Variants in P4HA2 observed in about 807,000 individuals in gnomAD.
The protein encoded by P4HA2 is prolyl 4-hydroxylase subunit alpha-2.
In P4HA2, 46 loss-of-function variants were observed where a neutral mutation model predicts 76.9. The observed-to-expected ratio is 0.60, with a 90% CI of 0.47 to 0.76. The LOEUF (loss-of-function observed/expected upper bound fraction) is 0.76. Ranked by LOEUF, P4HA2 falls within the 30% of genes least tolerant of loss-of-function variation. The pLI, the probability that P4HA2 is intolerant of heterozygous loss-of-function variation, is 0.00. For missense variants in P4HA2, 583 were observed against 669.4 expected (o/e 0.87, Z 1.42); for synonymous variants, 243 against 254.0 (o/e 0.96, Z 0.41).
chr5:132,194,526 C>T (rs1750317736), intron 14 of P4HA2, among the ~76,000 whole-genome samples: 1 of 152,130 alleles, frequency 6.6e-6, no homozygotes, highest in Non-Finnish European at 1.5e-5. Flanking sequence ...GACAAGGGAG[C>T]CAGCCCCCAC....
At chr5:132,220,425 C>T (rs1754507797) in intron 1 of P4HA2, among the ~76,000 whole-genome samples, 1 of 152,224 alleles carries the variant, frequency 6.6e-6, no homozygotes, top group Non-Finnish European at 1.5e-5. Context: ...CAGCTGACTG[C>T]TCCTCAGAGC....
chr5:132,204,082 C>T lies in P4HA2; in HGVS notation c.1151G>A (p.Ser384Asn), dbSNP rs1751865953. 1.2e-6 allele frequency: 2 copies of T among 1,612,904 alleles called. No individual in the cohort carries two copies. Among genetic ancestry groups the T allele is most frequent in the Admixed American group, 1.7e-5 (1 of 59,994 alleles). ...CTACGAACCCCTGCTCTTTGCTTAC[C>T]TTTTGGAAACCCGGTAGCTGGCGAC... ...LTVASYRVSKSSWLEEDDDPV... is the reference protein window; with the variant it reads ...LTVASYRVSKNSWLEEDDDPV... The change falls in exon 9 of 15, where the codon AGC (serine) becomes AAC (asparagine). Residue 384 changes from serine to asparagine, a missense_variant and splice_region_variant. Transcript: ENST00000360568.
At chr5:132,220,516 G>A (rs1450509254) in intron 1 of P4HA2, among the ~76,000 whole-genome samples, 3 of 152,236 alleles carry the variant, frequency 2.0e-5, no homozygotes, top group Non-Finnish European at 2.9e-5. Flanking sequence ...CTCTACCCAG[G>A]TGTGTCTCCA....
At chr5:132,203,998 G>A (rs1240514064) in intron 9 of P4HA2, 84 bp downstream of exon 9, 1 of 1,278,396 alleles carries the variant, frequency 7.8e-7, no homozygotes, top group Non-Finnish European at 1.1e-6. Context: ...GGCAGGAAAA[G>A]GCAAGCCACC....
intron 1 of P4HA2, among the ~76,000 whole-genome samples, chr5:132,224,204 G>T (rs1251880703): frequency 6.6e-6 from 1 of 152,208 alleles, no homozygotes; most frequent in African/African-American, 2.4e-5. Context: ...AAATGGACAG[G>T]CACACCTGCC....
chr5:132,196,624 G>T (rs557024569), intron 12 of P4HA2, among the ~76,000 whole-genome samples: 2 of 152,172 alleles, frequency 1.3e-5, no homozygotes, highest in Non-Finnish European at 2.9e-5. Flanking sequence ...ACTTTGGGAG[G>T]CCAAGGCGGG....
At position 132,191,511 on chromosome 5, in the gene P4HA2, C is replaced by CAA. The variant is rs76741539; in HGVS notation, c.*1497_*1498dup. 2.0e-3 allele frequency among the ~76,000 whole-genome samples: 99 copies of CAA among 48,406 alleles called. No homozygotes were observed. Among genetic ancestry groups the CAA allele is most frequent in the Middle Eastern group, 8.9e-3 (1 of 112 alleles). 31.8% of individuals were successfully genotyped at this position (48,406 alleles called of 152,430 possible). ...TGGGCGACAGAGCGAGACTCCGTCT[C>CAA]AAAAAAAAAAAAAAAAAAAAAGATT... On this transcript the variant is annotated 3_prime_UTR_variant, in exon 15 of 15. Coordinates refer to ENST00000360568, the MANE Select transcript of P4HA2 (RefSeq NM_001017974.2).
intron 5 of P4HA2, 123 bp from the exon 6 acceptor site, chr5:132,210,646 C>A (rs532993547): frequency 2.2e-6 from 2 of 916,146 alleles, no homozygotes; most frequent in South Asian, 1.4e-5. Flanking sequence ...CTCCATCGGA[C>A]ATTTAGACTG....
In P4HA2 at chr5:132,192,826, G is replaced by A; in HGVS notation, c.*184C>T. On this transcript the variant is annotated 3_prime_UTR_variant, in exon 15 of 15. Coordinates refer to ENST00000360568, the MANE Select transcript of P4HA2 (RefSeq NM_001017974.2). ...AGCCTTGGGGCCAGGGATGGCACAG[G>A]CTGAATGGAAGGGCTGGGACTTCAG... 2 of 570,898 alleles carry A rather than the reference G, an allele frequency of 3.5e-6. No individual in the cohort carries two copies. Among genetic ancestry groups the A allele is most frequent in the East Asian group, 2.8e-5 (1 of 35,250 alleles). 35.4% of individuals were successfully genotyped at this position (570,898 alleles called of 1,614,324 possible).
chr5:132,194,131 G>C (rs532889313), intron 14 of P4HA2, among the ~76,000 whole-genome samples: 1 of 151,716 alleles, frequency 6.6e-6, no homozygotes, highest in East Asian at 1.9e-4. Flanking sequence ...CACCTTTCCA[G>C]TACAGGTAAA....
chr5:132,223,493 C>A (rs1206445852), intron 1 of P4HA2, among the ~76,000 whole-genome samples: 1 of 152,162 alleles, frequency 6.6e-6, no homozygotes, highest in Non-Finnish European at 1.5e-5. Context: ...AACTCCTGAC[C>A]TCAGGCAATC....
At chr5:132,210,210 A>T (rs1383161215) in intron 6 of P4HA2, 74 bp downstream of exon 6, 468 of 1,537,084 alleles carry the variant, frequency 3.0e-4, no homozygotes, top group Non-Finnish European at 4.1e-4. Context: ...GAGAGGGGTC[A>T]GGCAGATGCC....
chr5:132,227,179 C>G (rs200987929), intron 1 of P4HA2: 2 of 152,296 alleles, frequency 1.3e-5, no homozygotes, highest in Non-Finnish European at 2.9e-5. Flanking sequence ...CAGAAGGGTC[C>G]CGTTTGTTGA....
chr5:132,215,007 G>A (rs1580725567), intron 4 of P4HA2, among the ~76,000 whole-genome samples: 1 of 152,196 alleles, frequency 6.6e-6, no homozygotes, highest in Admixed American at 6.5e-5. Flanking sequence ...AGTGAGAGGG[G>A]AACAACAAGG....
At chr5:132,208,077 G>T (rs1192265873) in intron 7 of P4HA2, among the ~76,000 whole-genome samples, 193 bp from the exon 8 acceptor site, 1 of 151,788 alleles carries the variant, frequency 6.6e-6, no homozygotes, top group African/African-American at 2.4e-5. Flanking sequence ...ACTCTGGGGG[G>T]CCAAAGGATA....
intron 1 of P4HA2, among the ~76,000 whole-genome samples, chr5:132,222,752 A>G (rs1754815553): frequency 6.6e-6 from 1 of 152,204 alleles, no homozygotes; most frequent in South Asian, 2.1e-4. Context: ...ATCTATCCAC[A>G]TACTTTCTCA....
chr5:132,217,335 T>C lies in P4HA2; in HGVS notation c.193A>G (p.Met65Val), dbSNP rs559683174. ...LSKIKSWANK[M>V]EALTSKSAAD... is the part of the protein sequence containing the mutation. ...GCTGACTTGCTAGTCAAGGCTTCCA[T>C]TTTGTTGGCCCAGCTGTGGAACCAG... Residue 65 changes from methionine to valine, a missense_variant, in exon 4 of 15, where the codon ATG becomes GTG. Physicochemically the swap from Met to Val is conservative, Grantham distance 21. Coordinates refer to ENST00000360568, the MANE Select transcript of P4HA2 (RefSeq NM_001017974.2). 6.2e-7 allele frequency: 1 copy of C among 1,614,200 alleles called. No individual in the cohort carries two copies. The highest frequency in any genetic ancestry group is 1.3e-5 in the African/African-American group (1 of 75,058).
intron 4 of P4HA2, among the ~76,000 whole-genome samples, chr5:132,215,783 C>G (rs1377838879): frequency 6.9e-6 from 1 of 144,096 alleles, no homozygotes; most frequent in Non-Finnish European, 1.5e-5. Flanking sequence ...TTGCAGTGTG[C>G]TACAATCGCA....
rs1325301484 is a variant in P4HA2 at position 132,209,340 on chromosome 5, T to C, written c.710-9A>G. Reference sequence around the variant, plus strand: ...TCGTTCGTGGCTTGGGTCTAGAAAATGCAAGGAATGAGAAGGAAAAGGAAA... The same window carrying C: ...TCGTTCGTGGCTTGGGTCTAGAAAACGCAAGGAATGAGAAGGAAAAGGAAA... On this transcript the variant is annotated splice_polypyrimidine_tract_variant and intron_variant, in intron 6 of 14. Transcript: ENST00000360568. 1 of 1,608,372 alleles carries C rather than the reference T, an allele frequency of 6.2e-7. No individual in the cohort carries two copies. The highest frequency in any genetic ancestry group is 8.5e-7 in the Non-Finnish European group (1 of 1,176,756).
Sources: gnomAD v4.1 joint callset for allele counts (sites outside exome capture counted in the v4.1 genomes callset) on GRCh38, gnomAD v4.1.1 for gene constraint, MANE v1.5 for transcripts, NCBI Gene and HGNC (gene_info 2026-07-23, HGNC 2026-07-21) for gene names.